The following FAM107B variants were observed in gnomAD, a reference collection of about 807,000 sequenced individuals.
FAM107B encodes the protein protein FAM107B.
Under a neutral mutation model 31.5 loss-of-function variants are expected in FAM107B, and 21 were observed. That is an observed-to-expected ratio of 0.67 (90% confidence interval 0.47 to 0.96). FAM107B has a LOEUF of 0.96. Among genes scored for constraint, FAM107B ranks in the 40% least tolerant of loss-of-function variants. FAM107B has a pLI of 0.00. For missense variants in FAM107B, 452 were observed against 377.1 expected, an observed-to-expected ratio of 1.20 and a Z score of -1.64; for synonymous variants, 157 against 141.5, an observed-to-expected ratio of 1.11 and a Z score of -0.78.
chr10:14,565,195 C>T (rs969658016), intron 2 of FAM107B, among the ~76,000 whole-genome samples: 4 of 152,192 alleles, frequency 2.6e-5, no homozygotes, highest in Non-Finnish European at 4.4e-5. Flanking sequence ...CTCCCTGCCT[C>T]GTGGACTTAT....
At chr10:14,523,940 C>A (rs1274874744) in intron 3 of FAM107B, among the ~76,000 whole-genome samples, 1 of 150,424 alleles carries the variant, frequency 6.6e-6, no homozygotes, top group Non-Finnish European at 1.5e-5. Context: ...GATCTCAGCT[C>A]ACTGAAACCT....
Position 14,667,619 on chromosome 10 carries a change from C to A in FAM107B, c.469+15G>T. 1 of 1,613,394 alleles carries A rather than the reference C, an allele frequency of 6.2e-7. No homozygotes were observed. The highest frequency in any genetic ancestry group is 1.3e-5 in the African/African-American group (1 of 75,020). On this transcript the variant is annotated intron_variant, in intron 2 of 4. Coordinates refer to ENST00000181796, the MANE Select transcript of FAM107B (RefSeq NM_031453.4). ...ACAGCAGCCTGGAAAAGGAATCACA[C>A]AGAATGTACTCTACCTGATGTCATT...
At chr10:14,552,463 C>T (rs1192633091) in intron 2 of FAM107B, among the ~76,000 whole-genome samples, 8 of 78,852 alleles carry the variant, frequency 1.0e-4, no homozygotes, top group Non-Finnish European at 2.1e-4. Context: ...CCACACACAC[C>T]CAACAATGAA....
chr10:14,622,640 A>G (rs951539407), intron 2 of FAM107B, among the ~76,000 whole-genome samples: 1 of 152,160 alleles, frequency 6.6e-6, no homozygotes, highest in Non-Finnish European at 1.5e-5. Context: ...CTGGAAGAGA[A>G]GGCATCTAAG....
intron 2 of FAM107B, among the ~76,000 whole-genome samples, chr10:14,611,760 G>A (rs1196677628): frequency 6.6e-6 from 1 of 151,636 alleles, no homozygotes; most frequent in African/African-American, 2.4e-5. Flanking sequence ...GATCTTGGCA[G>A]GGCTCATAGT....
chr10:14,591,111 A>G (rs538587737), intron 2 of FAM107B, among the ~76,000 whole-genome samples: 3 of 151,994 alleles, frequency 2.0e-5, no homozygotes, highest in South Asian at 4.1e-4. Flanking sequence ...CTGATCTTTT[A>G]TAAGAAAAGA....
intron 2 of FAM107B, among the ~76,000 whole-genome samples, chr10:14,565,576 G>A (rs929728951): frequency 3.9e-5 from 6 of 152,208 alleles, no homozygotes; most frequent in African/African-American, 1.4e-4. Context: ...TTAGATACCT[G>A]CAAAGCATGC....
chr10:14,593,495 T>C (rs901920802), intron 2 of FAM107B, among the ~76,000 whole-genome samples: 3 of 152,074 alleles, frequency 2.0e-5, no homozygotes, highest in Non-Finnish European at 4.4e-5. Context: ...CTGGCCAATA[T>C]GGTGAAACCC....
intron 2 of FAM107B, chr10:14,553,356 C>G (rs755992122): frequency 3.1e-6 from 4 of 1,279,780 alleles, no homozygotes; most frequent in Non-Finnish European, 4.1e-6. Context: ...AACAGTTTCT[C>G]TATCCACAAA....
chr10:14,622,369 G>C (rs1336574140), intron 2 of FAM107B, among the ~76,000 whole-genome samples: 2 of 150,084 alleles, frequency 1.3e-5, no homozygotes, highest in Non-Finnish European at 2.9e-5. Flanking sequence ...GTGCAGTGGT[G>C]TGATCTCGGC....
intron 2 of FAM107B, among the ~76,000 whole-genome samples, chr10:14,664,773 A>G (rs1379018472): frequency 6.6e-6 from 1 of 152,234 alleles, no homozygotes. Flanking sequence ...TCTAGCACAT[A>G]GTAGACATTC....
chr10:14,588,613 C>T (rs1851919832), intron 2 of FAM107B, among the ~76,000 whole-genome samples: 1 of 152,156 alleles, frequency 6.6e-6, no homozygotes, highest in East Asian at 1.9e-4. Context: ...AGTCAACCAA[C>T]CGTCCTGAGA....
chr10:14,737,766 T>TTCTCTCTCTCTC lies in FAM107B; in HGVS notation c.411+36475_411+36486dup, dbSNP rs11276189. ...CCATGCAGTGCTGTGCGTGCACGCT[T>TTCTCTCTCTCTC]TCTCTCTCTCTCTCTCTCTCTCTCT... On this transcript the variant is annotated intron_variant, in intron 1 of 4. Transcript: ENST00000181796. Among the ~76,000 whole-genome samples the TTCTCTCTCTCTC allele has an allele frequency of 3.0e-3, 377 of 127,098 alleles. 13 individuals are homozygous for TTCTCTCTCTCTC. The highest frequency in any genetic ancestry group is 0.012 in the East Asian group (45 of 3,864). 83.4% of individuals were successfully genotyped at this position (127,098 alleles called of 152,430 possible). A position where few individuals can be genotyped will look rare whatever the true frequency, so the allele number is the denominator to read the frequency against.
chr10:14,757,844 C>T (rs953214736), intron 1 of FAM107B, among the ~76,000 whole-genome samples: 24 of 152,182 alleles, frequency 1.6e-4, no homozygotes, highest in African/African-American at 5.5e-4. Flanking sequence ...GGATAAAACC[C>T]TTCTGCCATT....
At chr10:14,625,185 C>T (rs898826925) in intron 2 of FAM107B, among the ~76,000 whole-genome samples, 2 of 150,064 alleles carry the variant, frequency 1.3e-5, no homozygotes, top group African/African-American at 4.9e-5. Context: ...AAGTTGGCAC[C>T]ACTGCAGTCC....
intron 1 of FAM107B, among the ~76,000 whole-genome samples, chr10:14,717,200 G>A (rs78370606): frequency 0.017 from 2,627 of 152,284 alleles, 38 homozygotes; most frequent in South Asian, 0.06. Flanking sequence ...TAGTGAGCAC[G>A]TGGTTTGTTC....
intron 3 of FAM107B, among the ~76,000 whole-genome samples, chr10:14,526,546 G>C (rs1846257042): frequency 6.6e-6 from 1 of 152,166 alleles, no homozygotes; most frequent in South Asian, 2.1e-4. Context: ...TTCTGGTTTA[G>C]TCATTTTTAC....
rs190793450 is a variant in FAM107B at position 14,589,224 on chromosome 10, G to C, written c.470-58709C>G. On this transcript the variant is annotated intron_variant, in intron 2 of 4. Transcript: ENST00000181796. ...AAGAGTAAGTGGTGACTTTTTAAAA[G>C]AATGGTCAAAGGAATTATTTTTAAA... Among the ~76,000 whole-genome samples, 114 of 148,510 alleles carry C rather than the reference G, an allele frequency of 7.7e-4. No homozygotes were observed. In the East Asian group the frequency reaches 0.02, roughly 26 times the overall value.
At chr10:14,690,897 G>A (rs1855118078) in intron 1 of FAM107B, among the ~76,000 whole-genome samples, 1 of 151,490 alleles carries the variant, frequency 6.6e-6, no homozygotes, top group African/African-American at 2.4e-5. Flanking sequence ...TAGTGATGAT[G>A]TCTGATTGAT....
Sources: gnomAD v4.1 joint callset for allele counts (sites outside exome capture counted in the v4.1 genomes callset) on GRCh38, gnomAD v4.1.1 for gene constraint, MANE v1.5 for transcripts, NCBI Gene and HGNC (gene_info 2026-07-23, HGNC 2026-07-21) for gene names.